The following MYH8 variants were observed in gnomAD, a reference collection of about 807,000 sequenced individuals.
MYH8 encodes the protein myosin heavy chain 8.
In MYH8, 168 loss-of-function variants were observed where a neutral mutation model predicts 233.2. The ratio of observed to expected loss-of-function variants is 0.72; its 90% CI spans 0.64 to 0.82. The LOEUF (loss-of-function observed/expected upper bound fraction) is 0.82, where lower values mean the gene tolerates loss of function less well. Ranked by LOEUF, MYH8 falls within the 40% of genes least tolerant of loss-of-function variation. MYH8 has a pLI of 0.00. For missense variants in MYH8, 1,995 were observed against 2,327.8 expected, an observed-to-expected ratio of 0.86 and a Z score of 2.94; for synonymous variants, 785 against 850.6, an observed-to-expected ratio of 0.92 and a Z score of 1.34.
intron 22 of MYH8, among the ~76,000 whole-genome samples, chr17:10,403,048 G>C (rs2072157711): frequency 6.6e-6 from 1 of 151,918 alleles, no homozygotes; most frequent in Admixed American, 6.6e-5. Flanking sequence ...TCTAAATCTG[G>C]TTAATGTGGA....
intron 34 of MYH8, among the ~76,000 whole-genome samples, chr17:10,394,838 T>C (rs1373029497): frequency 6.6e-6 from 1 of 152,196 alleles, no homozygotes; most frequent in Non-Finnish European, 1.5e-5. Flanking sequence ...AGTAATTTGC[T>C]TAAAATCAGG....
intron 14 of MYH8, among the ~76,000 whole-genome samples, chr17:10,411,703 G>C (rs940042411): frequency 1.3e-5 from 2 of 152,110 alleles, no homozygotes; most frequent in Non-Finnish European, 2.9e-5. Context: ...TAATATAAAG[G>C]TCTTGGTGTA....
At position 10,401,292 on chromosome 17, in the gene MYH8, C is replaced by G. The variant is rs1453653455; in HGVS notation, c.3091G>C (p.Glu1031Gln). The G allele has an allele frequency of 6.2e-7, 1 of 1,614,178 alleles. No individual in the cohort carries two copies. The highest frequency in any genetic ancestry group is 1.7e-5 in the Admixed American group (1 of 60,026). Residue 1031 changes from glutamate (E) to glutamine (Q), a missense_variant, in exon 24 of 40, where the codon GAA (glutamate) becomes CAA (glutamine). Transcript: ENST00000403437. ...NILTKAKTKL[E>Q]QQVDDLEGSL... The stretch of plus-strand genomic sequence containing the variant: ...GTGCTTACATCATCCACTTGCTGTT[C>G]TAGCTTGGTTTTAGCTTTGGTCAGG...
intron 10 of MYH8, 33 bp from the exon 11 acceptor site, chr17:10,414,328 A>T (rs1255503557): frequency 6.2e-7 from 1 of 1,604,532 alleles, no homozygotes; most frequent in Admixed American, 1.7e-5. Context: ...TACATTTTAC[A>T]TTAGACATTG....
rs758786203 is a variant in MYH8, at chr17:10,414,356, T to C, written c.904+30A>G. ...AGACATTGTTAATAAAAATATTAAC[T>C]TCTATCTATGACTTTAAGTTCTTTC... On this transcript the variant is annotated intron_variant, in intron 10 of 39. Coordinates refer to ENST00000403437, the MANE Select transcript of MYH8 (RefSeq NM_002472.3). The C allele has an allele frequency of 1.3e-5, 21 of 1,597,004 alleles. No individual in the cohort carries two copies. The Admixed American group carries it at 2.5e-4, about 19-fold the overall frequency.
At chr17:10,407,780 A>G (rs565629464) in intron 17 of MYH8, among the ~76,000 whole-genome samples, 19 of 151,828 alleles carry the variant, frequency 1.3e-4, no homozygotes, top group African/African-American at 4.1e-4. Flanking sequence ...CAGAGTTTGC[A>G]GTGAGCTGAG....
In MYH8 at chr17:10,395,429, G is replaced by A. The variant is rs769596464; in HGVS notation, c.4666C>T (p.His1556Tyr). 2.2e-5 allele frequency: 35 copies of A among 1,613,886 alleles called. 1 individual carries two copies. The highest frequency in any genetic ancestry group is 1.3e-4 in the Admixed American group (8 of 59,984). Residue 1556 changes from histidine to tyrosine, a missense_variant, in exon 34 of 40, where the codon CAT (histidine) becomes TAT (tyrosine). By Grantham distance (83) the His-to-Tyr change is moderately conservative (BLOSUM62 2). Around this residue, in one of 3 missense-constraint regions of MYH8, gnomAD observed 1,498 missense variants for 1,680.9 expected, o/e 0.89. Transcript: ENST00000403437. ...ATACGCAGAATCTTTCCTTCTTCAT[G>A]TTCAAGAGATGCCTTAACAAAACAG... ...ALEEAEASLE[H>Y]EEGKILRIQL...
intron 34 of MYH8, 104 bp downstream of exon 34, chr17:10,395,029 A>G: frequency 7.9e-7 from 1 of 1,272,330 alleles, no homozygotes; most frequent in East Asian, 2.3e-5. Context: ...GGTCAGCTGT[A>G]TAATTTGTTA....
Position 10,412,762 on chromosome 17 carries a change from TGAA to T in MYH8, c.1148-37_1148-35del, listed in dbSNP as rs772706950. 6 of 1,511,990 alleles carry T rather than the reference TGAA, an allele frequency of 4.0e-6. No individual in the cohort carries two copies. In the South Asian group the frequency reaches 5.6e-5, roughly 14 times the overall value. The allele number at this position is 1,511,990 out of a possible 1,614,324, so 93.7% of individuals were successfully genotyped here. On this transcript the variant is annotated intron_variant, in intron 12 of 39. Transcript: ENST00000403437. ...ACACAGTTCAGGACATGTTGTTTCA[TGAA>T]GGATATCCTCTTTTACCTAATCTTT... is the stretch of plus-strand genomic sequence containing the variant.
chr17:10,421,872 G>A (rs1437649500), intron 1 of MYH8, 58 bp downstream of exon 1: 2 of 152,094 alleles, frequency 1.3e-5, no homozygotes, highest in Non-Finnish European at 2.9e-5. Flanking sequence ...AGATAACTAC[G>A]AGGTCAGCTC....
rs769596464 is a variant in MYH8, at chr17:10,395,429, G to C, written c.4666C>G (p.His1556Asp). The change falls in exon 34 of 40, where the codon CAT becomes GAT. Residue 1556 changes from histidine (H) to aspartate (D), a missense_variant. By Grantham distance (81) the His-to-Asp change is moderately conservative (BLOSUM62 -1). This residue lies in a region of MYH8 where 1,498 missense variants were observed against 1,680.9 expected (regional missense o/e 0.89). Transcript: ENST00000403437. The stretch of plus-strand genomic sequence containing the variant: ...ATACGCAGAATCTTTCCTTCTTCAT[G>C]TTCAAGAGATGCCTTAACAAAACAG... Reference protein sequence around the residue: ...ALEEAEASLEHEEGKILRIQL... With the variant: ...ALEEAEASLEDEEGKILRIQL... 3 of 1,613,886 alleles carry C rather than the reference G, an allele frequency of 1.9e-6. No individual in the cohort carries two copies. In the Admixed American group the frequency reaches 5.0e-5, roughly 27 times the overall value.
In MYH8 at chr17:10,400,698, A is replaced by G; in HGVS notation, c.3427T>C (p.Ser1143Pro). Reference protein sequence around the residue: ...AKAEKQRSDLSRELEEISERL... With the variant: ...AKAEKQRSDLPRELEEISERL... ...TCGCTGATCTCCTCCAGTTCCCGGG[A>G]GAGGTCAGAGCGCTGCTTCTCCGCT... is the stretch of plus-strand genomic sequence containing the variant. The change falls in exon 27 of 40, where the codon TCC (serine) becomes CCC (proline). Residue 1143 changes from serine (S) to proline (P), a missense_variant. Around this residue, in one of 3 missense-constraint regions of MYH8, gnomAD observed 1,498 missense variants for 1,680.9 expected, o/e 0.89. Coordinates refer to ENST00000403437, the MANE Select transcript of MYH8 (RefSeq NM_002472.3). The surrounding 1 kb of genome is among the most constrained non-coding windows in gnomAD (Gnocchi z 4.0). 1.9e-6 allele frequency: 3 copies of G among 1,614,134 alleles called. No homozygotes were observed. Among genetic ancestry groups the G allele is most frequent in the Non-Finnish European group, 2.5e-6 (3 of 1,180,044 alleles).
In MYH8 at chr17:10,404,582, T is replaced by G. The variant is rs772047264; in HGVS notation, c.2436A>C (p.Glu812Asp). ...VEYQKMLQRR[E>D]ALFCIQYNVR... Reference sequence around the variant, plus strand: ...CATTATACTGGATGCAGAAAAGTGCTTCTCTGCGATGACATGAAAATATCA... The same window carrying G: ...CATTATACTGGATGCAGAAAAGTGCGTCTCTGCGATGACATGAAAATATCA... Residue 812 changes from glutamate (E) to aspartate (D), a missense_variant, in exon 22 of 40, where the codon GAA (glutamate) becomes GAC (aspartate). By Grantham distance (45) the Glu-to-Asp change is conservative. Around this residue, in one of 3 missense-constraint regions of MYH8, gnomAD observed 1,498 missense variants for 1,680.9 expected, o/e 0.89. Coordinates refer to ENST00000403437, the MANE Select transcript of MYH8 (RefSeq NM_002472.3). 1 of 1,613,908 alleles carries G rather than the reference T, an allele frequency of 6.2e-7. No individual in the cohort carries two copies. The highest frequency in any genetic ancestry group is 8.5e-7 in the Non-Finnish European group (1 of 1,179,874).
At chr17:10,395,100 C>G in intron 34 of MYH8, 33 bp downstream of exon 34, 2 of 1,611,060 alleles carry the variant, frequency 1.2e-6, no homozygotes, top group African/African-American at 2.7e-5. Flanking sequence ...ACTTTCCCTG[C>G]TTCATCTGGG....
chr17:10,407,530 A>G (rs2159057), intron 17 of MYH8, among the ~76,000 whole-genome samples: 87,705 of 151,828 alleles, frequency 0.58, 26,301 homozygotes, highest in African/African-American at 0.69. Flanking sequence ...TTTTCTTTTG[A>G]TTTTTGAAGA....
Position 10,398,592 on chromosome 17 carries a change from C to A in MYH8, c.4030G>T (p.Asp1344Tyr). 1 of 1,614,170 alleles carries A rather than the reference C, an allele frequency of 6.2e-7. No individual in the cohort carries two copies. The highest frequency in any genetic ancestry group is 8.5e-7 in the Non-Finnish European group (1 of 1,180,014). The change falls in exon 30 of 40, where the codon GAC becomes TAC. Residue 1344 changes from aspartate to tyrosine, a missense_variant. Coordinates refer to ENST00000403437, the MANE Select transcript of MYH8 (RefSeq NM_002472.3). The part of the protein sequence containing the change: ...HALQSSRHDC[D>Y]LLREQYEEEQ... The stretch of plus-strand genomic sequence containing the variant: ...TCCTCATACTGTTCCCGCAGCAGGT[C>A]GCAGTCATGGCGGGAGGACTGCAGG...
At position 10,409,541 on chromosome 17, in the gene MYH8, CTT is replaced by C; in HGVS notation, c.1633_1634del (p.Lys545GlyfsTer12). On this transcript the variant is annotated frameshift_variant, in exon 16 of 40. Transcript: ENST00000403437. LOFTEE classifies it high-confidence loss of function. ...TGTTCTTGAAGGAGGTGTCCGTTGCCTTAGGGAACATGCACTCCTCTTCCAGG... is the reference window on the plus strand; with the variant it reads ...TGTTCTTGAAGGAGGTGTCCGTTGCCAGGGAACATGCACTCCTCTTCCAGG... ...SILEEECMFP[K>X]ATDTSFKNKL... 6.2e-7 allele frequency: 1 copy of C among 1,614,188 alleles called. No individual in the cohort carries two copies. The highest frequency in any genetic ancestry group is 8.5e-7 in the Non-Finnish European group (1 of 1,180,042).
rs1213176859 is a variant in MYH8 at position 10,395,132 on chromosome 17, C to T, written c.4962+1G>A. On this transcript the variant is annotated splice_donor_variant, in intron 34 of 39. Transcript: ENST00000403437. LOFTEE classifies it high-confidence loss of function. ...TGGGAGGCGAATGTGGACCCGTTTA[C>T]CTTCAGGATTCCTTGGGTGTTCCTG... 1 of 1,613,004 alleles carries T rather than the reference C, an allele frequency of 6.2e-7. No homozygotes were observed. The highest frequency in any genetic ancestry group is 1.7e-5 in the Admixed American group (1 of 60,028).
chr17:10,398,986 G>GTT (rs2072106796), intron 28 of MYH8, 100 bp from the exon 29 acceptor site: 1 of 502,620 alleles, frequency 2.0e-6, no homozygotes, highest in Non-Finnish European at 3.4e-6. Flanking sequence ...ATGTATATAT[G>GTT]TGTGTGTGTA....
Sources: gnomAD v4.1 joint callset for allele counts (sites outside exome capture counted in the v4.1 genomes callset) on GRCh38, gnomAD v4.1.1 for gene constraint, gnomAD v4.1.1 regional missense constraint, Gnocchi (gnomAD v3.1) non-coding constraint, MANE v1.5 for transcripts, NCBI Gene and HGNC (gene_info 2026-07-23, HGNC 2026-07-21) for gene names.